The following HECW1 variants were observed in gnomAD, a reference collection of about 807,000 sequenced individuals.
HECW1 encodes E3 ubiquitin-protein ligase HECW1.
A neutral mutation model predicts 182.3 loss-of-function variants in HECW1; 61 were observed. The ratio of observed to expected loss-of-function variants is 0.33; its 90% CI spans 0.27 to 0.41. HECW1 has a LOEUF of 0.41. Among genes scored for constraint, HECW1 ranks in the 10% least tolerant of loss-of-function variants. The probability of loss-of-function intolerance (pLI) is 1.00; values close to 1 mark genes in which losing one functional copy is unlikely to be tolerated. For synonymous variants in HECW1, 859 were observed against 832.6 expected, an observed-to-expected ratio of 1.03 and a Z score of -0.55; for missense variants, 1,739 against 2,108.9, an observed-to-expected ratio of 0.82 and a Z score of 3.44.
intron 6 of HECW1, among the ~76,000 whole-genome samples, chr7:43,368,129 A>G (rs940984827): frequency 7.9e-5 from 12 of 152,200 alleles, no homozygotes; most frequent in African/African-American, 2.7e-4. Flanking sequence ...AAAACCAAAC[A>G]AGACAAATCC....
At chr7:43,550,700 G>C (rs1585274289) in intron 27 of HECW1, 109 bp downstream of exon 27, 1 of 1,136,954 alleles carries the variant, frequency 8.8e-7, no homozygotes, top group East Asian at 2.6e-5. Context: ...TGAAAACAGA[G>C]AGGGAGAGCC....
At chr7:43,507,084 G>T in intron 21 of HECW1, 53 bp from the exon 22 acceptor site, 3 of 1,510,750 alleles carry the variant, frequency 2.0e-6, no homozygotes, top group Non-Finnish European at 2.7e-6. Context: ...AAGAAAAAAA[G>T]AAGAAGAAGA....
intron 2 of HECW1, among the ~76,000 whole-genome samples, chr7:43,167,106 G>A (rs1791212281): frequency 6.6e-6 from 1 of 152,198 alleles, no homozygotes; most frequent in Admixed American, 6.5e-5. Context: ...AAAGCAACAG[G>A]AATTTATTCT....
At chr7:43,306,093 C>T (rs968567887) in intron 3 of HECW1, among the ~76,000 whole-genome samples, 2 of 151,996 alleles carry the variant, frequency 1.3e-5, no homozygotes, top group Non-Finnish European at 2.9e-5. Flanking sequence ...GACGAGGTTT[C>T]GCCATGTTGC....
At chr7:43,437,210 T>G (rs1209423999) in intron 8 of HECW1, among the ~76,000 whole-genome samples, 1 of 152,234 alleles carries the variant, frequency 6.6e-6, no homozygotes, top group East Asian at 1.9e-4. Flanking sequence ...CTTTTTCACC[T>G]AGTTTCTCGG....
intron 3 of HECW1, among the ~76,000 whole-genome samples, chr7:43,295,847 A>G (rs1214629455): frequency 6.6e-6 from 1 of 152,218 alleles, no homozygotes; most frequent in East Asian, 1.9e-4. Flanking sequence ...GAAAGATGCA[A>G]TAAACTGTTT....
At chr7:43,377,846 C>G in intron 6 of HECW1, 2 of 198,218 alleles carry the variant, frequency 1.0e-5, no homozygotes, top group Non-Finnish European at 2.1e-5. Context: ...TCCCCCAGAG[C>G]TATGGATAAT....
intron 8 of HECW1, among the ~76,000 whole-genome samples, chr7:43,429,163 A>ATTATTCTG (rs2076451631): frequency 6.7e-6 from 1 of 149,936 alleles, no homozygotes; most frequent in African/African-American, 2.4e-5. Context: ...TAAAATCAAT[A>ATTATTCTG]TTATTCTGTT....
At chr7:43,529,045 C>T (rs1315823522) in intron 24 of HECW1, among the ~76,000 whole-genome samples, 1 of 151,996 alleles carries the variant, frequency 6.6e-6, no homozygotes, top group Non-Finnish European at 1.5e-5. Context: ...CTACCTAACC[C>T]CCGTGGCAGT....
chr7:43,324,928 A>G (rs933560760), intron 5 of HECW1, among the ~76,000 whole-genome samples: 5 of 152,140 alleles, frequency 3.3e-5, no homozygotes, highest in Non-Finnish European at 7.4e-5. Flanking sequence ...GCAGGGTTCT[A>G]ATAGCACTTT....
In HECW1 at chr7:43,550,480, C is replaced by A. The variant is rs2081763518; in HGVS notation, c.4284C>A (p.Asn1428Lys). The A allele has an allele frequency of 6.2e-7, 1 of 1,613,998 alleles. No individual in the cohort carries two copies. Among genetic ancestry groups the A allele is most frequent in the African/African-American group, 1.3e-5 (1 of 74,938 alleles). The change falls in exon 27 of 30, where the codon AAC becomes AAA. Residue 1428 changes from asparagine (N) to lysine (K), a missense_variant. Transcript: ENST00000395891. ...TERELKSGGA[N>K]TQVTEKNKKE... ...GGGAGTTGAAGTCTGGAGGAGCCAA[C>A]ACACAGGTGACGGAGAAAAACAAGA...
chr7:43,468,745 T>C (rs1393354118), intron 15 of HECW1, among the ~76,000 whole-genome samples, 175 bp from the exon 16 acceptor site: 1 of 152,150 alleles, frequency 6.6e-6, no homozygotes, highest in Non-Finnish European at 1.5e-5. Context: ...TGGTCTCGAA[T>C]TCCTGGGTGT....
chr7:43,378,511 C>T lies in HECW1; in HGVS notation c.555+17531C>T, dbSNP rs559236015. Among the ~76,000 whole-genome samples, 217 of 152,322 alleles carry T rather than the reference C, an allele frequency of 1.4e-3. 2 individuals are homozygous for T. The highest frequency in any genetic ancestry group is 5.1e-3 in the African/African-American group (212 of 41,582). ...ATCCCAAATACGCATGGTTAAAACC[C>T]TTGGCACTTTCGGCCAGGCATGGTG... On this transcript the variant is annotated intron_variant, in intron 6 of 29. Transcript: ENST00000395891.
At chr7:43,222,805 T>C (rs1389945039) in intron 2 of HECW1, among the ~76,000 whole-genome samples, 2 of 152,180 alleles carry the variant, frequency 1.3e-5, no homozygotes, top group South Asian at 2.1e-4. Flanking sequence ...GCTCTTACCA[T>C]TGGGCCGTCT....
At chr7:43,500,580 G>A in intron 19 of HECW1, 119 bp from the exon 20 acceptor site, 1 of 817,646 alleles carries the variant, frequency 1.2e-6, no homozygotes, top group South Asian at 1.5e-5. Context: ...AAAATACATA[G>A]GACGTTAGGA....
intron 2 of HECW1, among the ~76,000 whole-genome samples, chr7:43,185,284 G>A (rs146755513): frequency 1.6e-3 from 249 of 152,272 alleles, no homozygotes; most frequent in African/African-American, 5.7e-3. Flanking sequence ...CCTCCATCTA[G>A]CTGTTCACCT....
At chr7:43,450,564 A>G (rs1229924061) in intron 11 of HECW1, among the ~76,000 whole-genome samples, 1 of 152,176 alleles carries the variant, frequency 6.6e-6, no homozygotes, top group East Asian at 1.9e-4. Flanking sequence ...AATTCGGGTC[A>G]TTACAGAATC....
At chr7:43,177,102 C>T (rs1469724415) in intron 2 of HECW1, among the ~76,000 whole-genome samples, 2 of 151,926 alleles carry the variant, frequency 1.3e-5, no homozygotes, top group African/African-American at 4.8e-5. Flanking sequence ...AACATTTTTG[C>T]GATTTGCATA....
At chr7:43,163,774 T>A (rs1790804676) in intron 2 of HECW1, among the ~76,000 whole-genome samples, 1 of 152,076 alleles carries the variant, frequency 6.6e-6, no homozygotes, top group South Asian at 2.1e-4. Context: ...AACCCTCACA[T>A]CTTGGGTCTA....
Sources: allele counts gnomAD v4.1 joint callset (sites outside exome capture counted in the v4.1 genomes callset), GRCh38; gene constraint gnomAD v4.1.1; transcripts MANE v1.5; gene names NCBI Gene and HGNC (gene_info 2026-07-23, HGNC 2026-07-21).